ICA1: variants seen among roughly 807,000 people sequenced by gnomAD.
The protein encoded by ICA1 is islet cell autoantigen 1.
In ICA1, 40 loss-of-function variants were observed where a neutral mutation model predicts 71.0. That is an observed-to-expected ratio of 0.56 (90% CI 0.44 to 0.73). ICA1 has a LOEUF of 0.73. Ranked by LOEUF, ICA1 falls within the 30% of genes least tolerant of loss-of-function variation. The pLI is 0.00. For synonymous variants in ICA1, 207 were observed against 209.5 expected (o/e 0.99, Z 0.10); for missense variants, 578 against 576.5 (o/e 1.00, Z -0.03).
chr7:8,164,043 C>G (rs952625607), intron 6 of ICA1, among the ~76,000 whole-genome samples: 2 of 152,072 alleles, frequency 1.3e-5, no homozygotes, highest in Admixed American at 6.5e-5. Context: ...CTCAGTGGCT[C>G]ATGCCTGTAA....
At position 8,156,885 on chromosome 7, in the gene ICA1, T is replaced by C. The variant is rs939005714; in HGVS notation, c.804+231A>G. On this transcript the variant is annotated intron_variant, in intron 8 of 13. Coordinates refer to ENST00000402384, the MANE Select transcript of ICA1 (RefSeq NM_001136020.3). ...TCAAGGTTCAAGGTTCAATTCGCGC[T>C]TTTGGATTGCAGTAGATTCTCATTG... The C allele has an allele frequency of 3.3e-6, 5 of 1,520,684 alleles. No individual in the cohort carries two copies. In the Admixed American group the frequency reaches 7.2e-5, roughly 22 times the overall value. The allele number at this position is 1,520,684 out of a possible 1,614,324, so 94.2% of individuals were successfully genotyped here. A position where few individuals can be genotyped will look rare whatever the true frequency, so the allele number is the denominator to read the frequency against.
chr7:8,157,175 T>G lies in ICA1; in HGVS notation c.745A>C (p.Met249Leu). Residue 249 changes from methionine to leucine, a missense_variant, in exon 8 of 14, where the codon ATG becomes CTG. Physicochemically the swap from Met to Leu is conservative, Grantham distance 15 (BLOSUM62 2). Transcript: ENST00000402384. Reference protein sequence around the residue: ...LHFWEKTSHTMAAIHESFKGY... With the variant: ...LHFWEKTSHTLAAIHESFKGY... ...TTGAAACTCTCATGGATGGCTGCCA[T>G]AGTGTGAGAAGTTTTCTCCCAAAAA... 6.2e-7 allele frequency: 1 copy of G among 1,609,600 alleles called. No individual in the cohort carries two copies. The highest frequency in any genetic ancestry group is 1.1e-5 in the South Asian group (1 of 89,848).
At chr7:8,162,857 G>A (rs1476216810) in intron 6 of ICA1, among the ~76,000 whole-genome samples, 2 of 152,148 alleles carry the variant, frequency 1.3e-5, no homozygotes, top group Non-Finnish European at 2.9e-5. Context: ...GCTGCCTCCT[G>A]GGTTCAAGCA....
intron 1 of ICA1, chr7:8,261,853 G>C (rs1247389227): frequency 2.0e-5 from 3 of 152,248 alleles, no homozygotes; most frequent in African/African-American, 7.2e-5. Flanking sequence ...ACGCTCTCAC[G>C]GCGCGCGCAT....
chr7:8,244,409 A>C (rs1014324638), intron 1 of ICA1, among the ~76,000 whole-genome samples: 11 of 152,244 alleles, frequency 7.2e-5, no homozygotes, highest in Non-Finnish European at 1.5e-4. Context: ...AAATTAATTC[A>C]AGATGGATTA....
At chr7:8,152,553 TCCACCACCA>T (rs1228620631) in intron 8 of ICA1, among the ~76,000 whole-genome samples, 29 of 26,912 alleles carry the variant, frequency 1.1e-3, no homozygotes, top group Admixed American at 2.1e-3. Context: ...CATCACCACC[TCCACCACCA>T]CCACCACCAC....
intron 1 of ICA1, among the ~76,000 whole-genome samples, chr7:8,239,326 G>T (rs1236625282): frequency 2.0e-5 from 3 of 152,104 alleles, no homozygotes; most frequent in African/African-American, 7.2e-5. Context: ...CAACAGTTTG[G>T]TTTATCAGAC....
chr7:8,242,017 G>A (rs907075410), intron 1 of ICA1, among the ~76,000 whole-genome samples: 1 of 151,990 alleles, frequency 6.6e-6, no homozygotes, highest in Non-Finnish European at 1.5e-5. Context: ...CGAGACAGAA[G>A]GTTAACAAGG....
rs1562544390 is a variant in ICA1 at position 8,127,880 on chromosome 7, C to T, written c.1323G>A (p.Ser441=). 10 of 1,612,698 alleles carry T rather than the reference C, an allele frequency of 6.2e-6. No homozygotes were observed. Among genetic ancestry groups the T allele is most frequent in the South Asian group, 2.2e-5 (2 of 90,972 alleles). ...LDQNMKDLQA[S]LQEPAKAASD... Reference sequence around the variant, plus strand: ...AATCCCCACCTTACCTACCTTGTAGCGAGGCCTGTAAGTCTTTCATATTTT... The same window carrying T: ...AATCCCCACCTTACCTACCTTGTAGTGAGGCCTGTAAGTCTTTCATATTTT... Residue 441 remains serine, a synonymous_variant, in exon 13 of 14, where the codon TCG becomes TCA. Transcript: ENST00000402384.
chr7:8,221,072 T>G lies in ICA1; in HGVS notation c.380+203A>C, dbSNP rs140995778. ...AAAAATGAAAAAAAATTTTTTTTAA[T>G]TAATAGGGAGGAAAAAAAAATCCTA... On this transcript the variant is annotated intron_variant, in intron 5 of 13. Transcript: ENST00000402384. Among the ~76,000 whole-genome samples the G allele has an allele frequency of 3.6e-3, 549 of 152,174 alleles. 2 individuals carry two copies. Among genetic ancestry groups the G allele is most frequent in the African/African-American group, 0.012 (517 of 41,506 alleles).
chr7:8,156,880 C>A (rs759215831), intron 8 of ICA1: 40 of 1,517,692 alleles, frequency 2.6e-5, no homozygotes, highest in African/African-American at 4.3e-5. Context: ...AGGTTCAATT[C>A]GCGCTTTTGG....
rs1368411454 is a variant in ICA1 at position 8,123,390 on chromosome 7, AG to A, written c.1330+4482del. Among the ~76,000 whole-genome samples, 1 of 151,874 alleles carries A rather than the reference AG, an allele frequency of 6.6e-6. No homozygotes were observed. The highest frequency in any genetic ancestry group is 2.4e-5 in the African/African-American group (1 of 41,336). On this transcript the variant is annotated intron_variant, in intron 13 of 13. Transcript: ENST00000402384. The surrounding 1 kb of genome is among the most constrained non-coding windows in gnomAD (Gnocchi z 4.1). ...ACTGAAGAGATGAAGGCGGAAGAGG[AG>A]GGGGAAATGTGGATTGTGAGAGGGG...
intron 13 of ICA1, among the ~76,000 whole-genome samples, chr7:8,124,351 C>T (rs1788282878): frequency 6.6e-6 from 1 of 151,718 alleles, no homozygotes; most frequent in South Asian, 2.1e-4. Flanking sequence ...GACCTCTTGA[C>T]CTCATGATCC....
At chr7:8,241,772 TCTGATAAAACATACTTTAAACCA>T (rs1230364311) in intron 1 of ICA1, among the ~76,000 whole-genome samples, 1 of 152,072 alleles carries the variant, frequency 6.6e-6, no homozygotes, top group African/African-American at 2.4e-5. Flanking sequence ...AATCCTAGTC[TCTGATAAAACATACTTTAAACCA>T]ACAAAGATCA....
chr7:8,239,622 C>T (rs537908857), intron 1 of ICA1, among the ~76,000 whole-genome samples: 16 of 152,282 alleles, frequency 1.1e-4, no homozygotes, highest in East Asian at 5.8e-4. Context: ...TGCAAGGGGT[C>T]GGGGGATTTC....
chr7:8,195,714 T>C (rs565932289), intron 6 of ICA1, among the ~76,000 whole-genome samples: 6 of 151,772 alleles, frequency 4.0e-5, no homozygotes, highest in African/African-American at 1.5e-4. Flanking sequence ...GCACAGTGGC[T>C]CATGCTTGCA....
intron 3 of ICA1, among the ~76,000 whole-genome samples, chr7:8,231,344 T>C (rs1800223667): frequency 6.6e-6 from 1 of 152,010 alleles, no homozygotes; most frequent in Non-Finnish European, 1.5e-5. Flanking sequence ...GTCAGGAGCT[T>C]TGCTATGTAC....
intron 6 of ICA1, among the ~76,000 whole-genome samples, chr7:8,175,275 G>T (rs1459792794): frequency 6.6e-6 from 1 of 152,138 alleles, no homozygotes; most frequent in Non-Finnish European, 1.5e-5. Context: ...GGAAGAATCT[G>T]TATGTTTAAT....
rs1798454939 is a variant in ICA1 at position 8,150,582 on chromosome 7, C to A, written c.804+6534G>T. Among the ~76,000 whole-genome samples, 4 of 152,166 alleles carry A rather than the reference C, an allele frequency of 2.6e-5. No homozygotes were observed. In the South Asian group the frequency reaches 8.3e-4, roughly 32 times the overall value. On this transcript the variant is annotated intron_variant, in intron 8 of 13. Transcript: ENST00000402384. ...TATTTGAATCCGGGTCTTAAAAATT[C>A]TACAACTAGTTAAGAAATGGTATTA...
Sources: allele counts gnomAD v4.1 joint callset (sites outside exome capture counted in the v4.1 genomes callset), GRCh38; gene constraint gnomAD v4.1.1; non-coding constraint Gnocchi (gnomAD v3.1); transcripts MANE v1.5; gene names NCBI Gene and HGNC (gene_info 2026-07-23, HGNC 2026-07-21).